Variants in ATP8A1 observed in about 807,000 individuals in gnomAD.
ATP8A1 encodes the protein ATPase phospholipid transporting 8A1, also known as phospholipid-transporting ATPase IA.
ATP8A1 carries 90 observed loss-of-function variants against 177.7 expected under a neutral mutation model. That is an observed-to-expected ratio of 0.51 (90% confidence interval 0.43 to 0.60). The LOEUF is 0.60. Among genes scored for constraint, ATP8A1 ranks in the 20% least tolerant of loss-of-function variants. The pLI is 0.00. For missense variants in ATP8A1, 1,072 were observed against 1,392.8 expected, an observed-to-expected ratio of 0.77 and a Z score of 3.67; for synonymous variants, 493 against 485.9, an observed-to-expected ratio of 1.01 and a Z score of -0.19.
intron 34 of ATP8A1, 41 bp downstream of exon 34, chr4:42,423,576 T>C: frequency 1.5e-6 from 2 of 1,349,092 alleles, no homozygotes; most frequent in Non-Finnish European, 2.1e-6. Context: ...AGGATGAATA[T>C]GCATCTATAT....
chr4:42,504,550 C>T (rs1264542312), intron 23 of ATP8A1, among the ~76,000 whole-genome samples: 1 of 152,238 alleles, frequency 6.6e-6, no homozygotes, highest in Non-Finnish European at 1.5e-5. Context: ...CTAACAACTT[C>T]TTACCATTAA....
intron 27 of ATP8A1, among the ~76,000 whole-genome samples, chr4:42,462,790 G>A (rs564967506): frequency 3.3e-5 from 5 of 152,304 alleles, no homozygotes; most frequent in African/African-American, 1.2e-4. Flanking sequence ...CTGGGAGGGA[G>A]GCTGTATCCT....
At chr4:42,435,426 C>CAAAAAAAAAAAAAAAAAA (rs55945370) in intron 33 of ATP8A1, among the ~76,000 whole-genome samples, 100 of 93,870 alleles carry the variant, frequency 1.1e-3, no homozygotes, top group East Asian at 2.0e-3. Flanking sequence ...GACTTCATCT[C>CAAAAAAAAAAAAAAAAAA]AAAAAAAAAA....
At chr4:42,547,816 A>G (rs1379228717) in intron 19 of ATP8A1, among the ~76,000 whole-genome samples, 1 of 152,230 alleles carries the variant, frequency 6.6e-6, no homozygotes, top group Non-Finnish European at 1.5e-5. Flanking sequence ...GACAGCAACA[A>G]AAGTTGGCAC....
intron 33 of ATP8A1, among the ~76,000 whole-genome samples, chr4:42,432,986 T>C (rs1413906465): frequency 6.6e-6 from 1 of 152,248 alleles, no homozygotes; most frequent in African/African-American, 2.4e-5. Flanking sequence ...GACTCAAATC[T>C]TTATTCTATG....
chr4:42,446,772 T>TG, intron 30 of ATP8A1, 128 bp from the exon 31 acceptor site: 1 of 548,312 alleles, frequency 1.8e-6, no homozygotes, highest in South Asian at 3.1e-5. Flanking sequence ...GAAATGAGAT[T>TG]AAAAAAAAAA....
At position 42,608,546 on chromosome 4, in the gene ATP8A1, G is replaced by C. The variant is rs1736056116; in HGVS notation, c.409+7487C>G. On this transcript the variant is annotated intron_variant, in intron 5 of 36. Transcript: ENST00000381668. ...GGCTAATTTTTGTATTTTTAGTAGA[G>C]ATGGGGTTTCGCCATGTTGGTCAGG... Among the ~76,000 whole-genome samples the C allele has an allele frequency of 2.0e-5, 3 of 152,056 alleles. No individual in the cohort carries two copies. The South Asian group carries it at 6.2e-4, about 32-fold the overall frequency.
At chr4:42,598,315 C>CAAATATTAA (rs1734918486) in intron 6 of ATP8A1, among the ~76,000 whole-genome samples, 1 of 151,984 alleles carries the variant, frequency 6.6e-6, no homozygotes, top group Admixed American at 6.6e-5. Context: ...CCTCCTTTTT[C>CAAATATTAA]AAATATTAAA....
At chr4:42,509,467 T>G (rs1004759017) in intron 22 of ATP8A1, among the ~76,000 whole-genome samples, 2 of 152,212 alleles carry the variant, frequency 1.3e-5, no homozygotes, top group African/African-American at 4.8e-5. Flanking sequence ...GTATTTGTCT[T>G]TGTATACATG....
intron 11 of ATP8A1, 61 bp downstream of exon 11, chr4:42,579,752 C>A (rs1732838540): frequency 7.3e-7 from 1 of 1,374,794 alleles, no homozygotes. Context: ...AAATCAAGAT[C>A]AATTGTGAAA....
intron 1 of ATP8A1, among the ~76,000 whole-genome samples, chr4:42,647,119 G>C (rs1397878184): frequency 8.0e-6 from 1 of 125,414 alleles, no homozygotes; most frequent in Non-Finnish European, 1.8e-5. Context: ...CCAAGTCAAA[G>C]GCAGTATTAT....
At chr4:42,520,145 T>C (rs1207275521) in intron 22 of ATP8A1, among the ~76,000 whole-genome samples, 1 of 152,200 alleles carries the variant, frequency 6.6e-6, no homozygotes, top group Non-Finnish European at 1.5e-5. Context: ...CTCTAGGGCA[T>C]CCAGAGAGTA....
At chr4:42,627,361 G>A (rs143678557) in intron 1 of ATP8A1, among the ~76,000 whole-genome samples, 113 of 152,210 alleles carry the variant, frequency 7.4e-4, no homozygotes, top group African/African-American at 2.5e-3. Flanking sequence ...CATTTCCCCC[G>A]TAAGTGTTCA....
chr4:42,624,412 T>C (rs1737819044), intron 4 of ATP8A1, 124 bp downstream of exon 4: 3 of 492,952 alleles, frequency 6.1e-6, no homozygotes, highest in Admixed American at 4.1e-5. Context: ...TCTAGACATT[T>C]TGAAGTTGAA....
At chr4:42,457,122 TCTTA>T (rs1490709803) in intron 27 of ATP8A1, among the ~76,000 whole-genome samples, 1 of 152,216 alleles carries the variant, frequency 6.6e-6, no homozygotes, top group Non-Finnish European at 1.5e-5. Context: ...AATCTGAAAT[TCTTA>T]CTTGCTTTGC....
At chr4:42,553,452 G>A (rs115330483) in intron 16 of ATP8A1, among the ~76,000 whole-genome samples, 1 of 152,078 alleles carries the variant, frequency 6.6e-6, no homozygotes, top group Non-Finnish European at 1.5e-5. Flanking sequence ...TATGTCCAGG[G>A]GACTCTTACA....
intron 4 of ATP8A1, among the ~76,000 whole-genome samples, chr4:42,620,373 C>A (rs1198013642): frequency 6.6e-6 from 1 of 152,192 alleles, no homozygotes; most frequent in Admixed American, 6.5e-5. Context: ...ACTATTATTA[C>A]ATTCTTTAGG....
chr4:42,537,466 G>C (rs1342332584), intron 20 of ATP8A1, among the ~76,000 whole-genome samples: 1 of 152,000 alleles, frequency 6.6e-6, no homozygotes, highest in Non-Finnish European at 1.5e-5. Flanking sequence ...TGATAAACAG[G>C]AAGTCAAACT....
intron 35 of ATP8A1, among the ~76,000 whole-genome samples, chr4:42,417,938 T>C (rs907656523): frequency 6.6e-6 from 1 of 152,196 alleles, no homozygotes; most frequent in Admixed American, 6.5e-5. Flanking sequence ...GACAGAACCA[T>C]TACCACAGTG....
Sources: gnomAD v4.1 joint callset for allele counts (sites outside exome capture counted in the v4.1 genomes callset) on GRCh38, gnomAD v4.1.1 for gene constraint, MANE v1.5 for transcripts, NCBI Gene and HGNC (gene_info 2026-07-23, HGNC 2026-07-21) for gene names.